The following RIMS2 variants were observed in gnomAD, a reference collection of about 807,000 sequenced individuals.
RIMS2 encodes regulating synaptic membrane exocytosis protein 2.
Under a neutral mutation model 174.4 loss-of-function variants are expected in RIMS2, and 59 were observed. The ratio of observed to expected loss-of-function variants is 0.34; its 90% CI spans 0.27 to 0.42. The LOEUF is 0.42. Ranked by LOEUF, RIMS2 falls within the 10% of genes least tolerant of loss-of-function variation. The pLI is 1.00. For synonymous variants in RIMS2, 606 were observed against 572.5 expected (o/e 1.06, Z -0.84); for missense variants, 1,620 against 1,666.3 (o/e 0.97, Z 0.48).
At chr8:103,786,292 T>A (rs972901224) in intron 3 of RIMS2, among the ~76,000 whole-genome samples, 3 of 152,192 alleles carry the variant, frequency 2.0e-5, no homozygotes, top group Non-Finnish European at 4.4e-5. Context: ...CTGATTTTAG[T>A]TATTTCTTGC....
intron 1 of RIMS2, among the ~76,000 whole-genome samples, chr8:103,604,409 G>A (rs975470948): frequency 1.3e-5 from 2 of 152,096 alleles, no homozygotes; most frequent in African/African-American, 4.8e-5. Flanking sequence ...TAGCCTTGTA[G>A]TATAGTTTGA....
At chr8:103,653,272 T>C (rs894612588) in intron 1 of RIMS2, among the ~76,000 whole-genome samples, 14 of 152,232 alleles carry the variant, frequency 9.2e-5, no homozygotes, top group African/African-American at 2.9e-4. Context: ...ATTCTCACAC[T>C]GACCTGAAGC....
At chr8:103,902,832 C>G (rs1395597771) in intron 4 of RIMS2, among the ~76,000 whole-genome samples, 2 of 152,134 alleles carry the variant, frequency 1.3e-5, no homozygotes, top group Admixed American at 6.6e-5. Context: ...AAGTCCTACA[C>G]TCAAGAAACC....
chr8:104,189,582 T>C (rs2098986805), intron 19 of RIMS2, among the ~76,000 whole-genome samples: 1 of 145,226 alleles, frequency 6.9e-6, no homozygotes, highest in Non-Finnish European at 1.5e-5. Context: ...AATATATACA[T>C]TATATATATA....
chr8:104,146,047 G>A (rs1428993968), intron 19 of RIMS2, among the ~76,000 whole-genome samples: 1 of 151,528 alleles, frequency 6.6e-6, no homozygotes, highest in Non-Finnish European at 1.5e-5. Flanking sequence ...AATAAAAAGA[G>A]CATCCATCTT....
chr8:103,621,271 G>A (rs1212737917), intron 1 of RIMS2, among the ~76,000 whole-genome samples: 2 of 152,162 alleles, frequency 1.3e-5, no homozygotes, highest in Admixed American at 1.3e-4. Flanking sequence ...AAGGAGACAG[G>A]GTCATTGATA....
At chr8:103,963,064 A>G (rs1305212028) in intron 15 of RIMS2, among the ~76,000 whole-genome samples, 1 of 152,146 alleles carries the variant, frequency 6.6e-6, no homozygotes, top group African/African-American at 2.4e-5. Context: ...TAGTTCTGTT[A>G]AATATTTTCC....
At chr8:103,655,893 A>G (rs901317571) in intron 1 of RIMS2, among the ~76,000 whole-genome samples, 2 of 152,102 alleles carry the variant, frequency 1.3e-5, no homozygotes, top group Non-Finnish European at 2.9e-5. Flanking sequence ...AAGATATTGA[A>G]GAGATTTAAA....
intron 19 of RIMS2, among the ~76,000 whole-genome samples, chr8:104,178,500 T>C (rs79457613): frequency 6.6e-6 from 1 of 152,194 alleles, no homozygotes; most frequent in African/African-American, 2.4e-5. Context: ...CCTTCCTCTT[T>C]TAAGGAGTCA....
chr8:103,867,751 A>G (rs1252540551), intron 3 of RIMS2, among the ~76,000 whole-genome samples: 1 of 151,980 alleles, frequency 6.6e-6, no homozygotes, highest in Non-Finnish European at 1.5e-5. Context: ...TAAATAAAAA[A>G]TAAAATTCCA....
chr8:103,518,691 G>A lies in RIMS2; in HGVS notation c.176+17629G>A, dbSNP rs202062175. ...ATCTTATTGGCATATTTGATCTGTA[G>A]TGAAAGGTTTTGAAATGAGATAGTG... On this transcript the variant is annotated intron_variant, in intron 1 of 23. Transcript: ENST00000504942. Among the ~76,000 whole-genome samples the A allele has an allele frequency of 5.3e-5, 8 of 152,112 alleles. No homozygotes were observed. The East Asian group carries it at 1.5e-3, about 29-fold the overall frequency.
chr8:103,690,882 C>A (rs2097015053), intron 1 of RIMS2, among the ~76,000 whole-genome samples: 2 of 152,132 alleles, frequency 1.3e-5, no homozygotes, highest in Admixed American at 6.6e-5. Context: ...TTCTTGTTGG[C>A]AGGTCTGATG....
chr8:103,680,240 C>G (rs1185403365), intron 1 of RIMS2, among the ~76,000 whole-genome samples: 2 of 151,888 alleles, frequency 1.3e-5, no homozygotes, highest in African/African-American at 2.4e-5. Flanking sequence ...TATATGGGAA[C>G]TTAGTATATG....
intron 2 of RIMS2, among the ~76,000 whole-genome samples, chr8:103,756,785 T>C (rs909946880): frequency 3.9e-5 from 6 of 152,148 alleles, no homozygotes; most frequent in South Asian, 2.1e-4. Flanking sequence ...TAATTGGTTA[T>C]AGGTGGTGTA....
At chr8:103,739,871 T>C (rs1402161243) in intron 2 of RIMS2, among the ~76,000 whole-genome samples, 3 of 152,184 alleles carry the variant, frequency 2.0e-5, no homozygotes, top group Non-Finnish European at 4.4e-5. Context: ...GAGTGCTCAC[T>C]GGCTAGTCTG....
intron 1 of RIMS2, among the ~76,000 whole-genome samples, chr8:103,623,768 C>T (rs932086143): frequency 7.9e-5 from 12 of 151,274 alleles, no homozygotes; most frequent in South Asian, 4.2e-4. Flanking sequence ...GGATTACAGG[C>T]GTGAGCCACC....
At chr8:104,080,584 T>C (rs1439269194) in intron 19 of RIMS2, among the ~76,000 whole-genome samples, 1 of 152,006 alleles carries the variant, frequency 6.6e-6, no homozygotes, top group Non-Finnish European at 1.5e-5. Context: ...TAAGTTTGAA[T>C]TGACACTTGT....
At chr8:103,906,791 T>G (rs2074511614) in intron 4 of RIMS2, among the ~76,000 whole-genome samples, 1 of 152,206 alleles carries the variant, frequency 6.6e-6, no homozygotes, top group Admixed American at 6.5e-5. Context: ...TTGTCAATGC[T>G]TTGTTATGGG....
intron 12 of RIMS2, among the ~76,000 whole-genome samples, chr8:103,932,650 A>G (rs1406392705): frequency 6.6e-6 from 1 of 152,208 alleles, no homozygotes; most frequent in African/African-American, 2.4e-5. Flanking sequence ...GAAGAGAAAC[A>G]TATTTTTAAG....
Sources: gnomAD v4.1 joint callset for allele counts (sites outside exome capture counted in the v4.1 genomes callset) on GRCh38, gnomAD v4.1.1 for gene constraint, MANE v1.5 for transcripts, NCBI Gene and HGNC (gene_info 2026-07-23, HGNC 2026-07-21) for gene names.